The following MCTP2 variants were observed in gnomAD, a reference collection of about 807,000 sequenced individuals.
The protein encoded by MCTP2 is multiple C2 and transmembrane domain containing 2, also known as multiple C2 and transmembrane domain-containing protein 2.
A neutral mutation model predicts 111.6 loss-of-function variants in MCTP2; 132 were observed. The ratio of observed to expected loss-of-function variants is 1.18; its 90% CI spans 1.03 to 1.37. MCTP2 has a LOEUF of 1.37. Among genes scored for constraint, MCTP2 ranks in the 40% most tolerant of loss-of-function variants. MCTP2 has a pLI of 0.00. For synonymous variants in MCTP2, 395 were observed against 387.7 expected, an observed-to-expected ratio of 1.02 and a Z score of -0.22; for missense variants, 1,183 against 1,067.9, an observed-to-expected ratio of 1.11 and a Z score of -1.50.
chr15:94,283,988 CAAT>C (rs1489383361), intron 1 of MCTP2, among the ~76,000 whole-genome samples: 2 of 152,094 alleles, frequency 1.3e-5, no homozygotes, highest in Non-Finnish European at 2.9e-5. Flanking sequence ...ATATAGCTTG[CAAT>C]TATAGGTGCA....
At chr15:94,467,447 T>TC (rs1347281183) in intron 20 of MCTP2, among the ~76,000 whole-genome samples, 36 of 98,852 alleles carry the variant, frequency 3.6e-4, no homozygotes, top group Non-Finnish European at 1.1e-4. Context: ...ACCAATGGAA[T>TC]ATAAAGTCTT....
At chr15:94,458,389 G>GA (rs2152526497) in intron 20 of MCTP2, 143 bp downstream of exon 20, 1 of 608,858 alleles carries the variant, frequency 1.6e-6, no homozygotes, top group East Asian at 2.8e-5. Context: ...AGCACTGTCT[G>GA]ACTTCAGTTG....
intron 10 of MCTP2, among the ~76,000 whole-genome samples, chr15:94,360,185 A>G (rs553098291): frequency 7.9e-4 from 121 of 152,330 alleles, no homozygotes; most frequent in African/African-American, 2.9e-3. Flanking sequence ...ACTTTGCACC[A>G]TCTGCACATC....
chr15:94,415,167 C>T (rs2082317011), intron 17 of MCTP2, among the ~76,000 whole-genome samples: 1 of 152,056 alleles, frequency 6.6e-6, no homozygotes, highest in Non-Finnish European at 1.5e-5. Context: ...TGTTAATGCA[C>T]TCTGCAAAGA....
intron 1 of MCTP2, among the ~76,000 whole-genome samples, chr15:94,272,334 G>A (rs535462763): frequency 5.4e-4 from 82 of 152,156 alleles, no homozygotes; most frequent in African/African-American, 1.7e-3. Context: ...GAGATGAGGG[G>A]TAGCAGTCCA....
At chr15:94,350,926 T>G (rs1196596331) in intron 8 of MCTP2, among the ~76,000 whole-genome samples, 1 of 152,170 alleles carries the variant, frequency 6.6e-6, no homozygotes, top group Non-Finnish European at 1.5e-5. Flanking sequence ...AGCATTTCGC[T>G]GGTCCTAAAA....
rs77738959 is a variant in MCTP2, at chr15:94,402,171, C to T, written c.2085+152C>T. ...TACCTGGGAAACCCCTTAAATTACC[C>T]AAATCTTAGTCATATATGGTCTCTT... On this transcript the variant is annotated intron_variant, in intron 17 of 22. Transcript: ENST00000357742. 4.5e-6 allele frequency: 6 copies of T among 1,322,408 alleles called. No homozygotes were observed. The East Asian group carries it at 1.5e-4, about 33-fold the overall frequency. 81.9% of individuals were successfully genotyped at this position (1,322,408 alleles called of 1,614,324 possible).
In MCTP2 at chr15:94,415,553, G is replaced by A. The variant is rs560374137; in HGVS notation, c.2085+13534G>A. On this transcript the variant is annotated intron_variant, in intron 17 of 22. Transcript: ENST00000357742. ...TCCTTTCGCAGTGCCATAACACCCCGTGCAGCATTCTCCTTTTAGGTTATT... is the reference window on the plus strand; with the variant it reads ...TCCTTTCGCAGTGCCATAACACCCCATGCAGCATTCTCCTTTTAGGTTATT... 5.9e-5 allele frequency among the ~76,000 whole-genome samples: 9 copies of A among 152,122 alleles called. No individual in the cohort carries two copies. In the South Asian group the frequency reaches 6.2e-4, roughly 11 times the overall value.
chr15:94,248,749 G>A (rs2152262547), intron 1 of MCTP2, among the ~76,000 whole-genome samples: 1 of 152,274 alleles, frequency 6.6e-6, no homozygotes, highest in Admixed American at 6.5e-5. Context: ...TGAACAATGA[G>A]CCAAAACAGA....
intron 8 of MCTP2, among the ~76,000 whole-genome samples, chr15:94,351,106 T>C (rs953255313): frequency 1.5e-4 from 23 of 152,240 alleles, no homozygotes; most frequent in Non-Finnish European, 1.8e-4. Context: ...AGATTATTCA[T>C]ATCTCTGGAA....
chr15:94,427,775 C>T (rs887226699), intron 17 of MCTP2, among the ~76,000 whole-genome samples: 1 of 152,126 alleles, frequency 6.6e-6, no homozygotes, highest in Non-Finnish European at 1.5e-5. Flanking sequence ...GATCCTGTCT[C>T]CTCAGGTCCT....
At chr15:94,434,175 C>T (rs949941092) in intron 17 of MCTP2, among the ~76,000 whole-genome samples, 7 of 151,704 alleles carry the variant, frequency 4.6e-5, no homozygotes, top group African/African-American at 1.7e-4. Flanking sequence ...AGTCATGGGT[C>T]ACTGCATCCT....
At chr15:94,269,741 C>T (rs2073805917) in intron 1 of MCTP2, among the ~76,000 whole-genome samples, 1 of 152,112 alleles carries the variant, frequency 6.6e-6, no homozygotes, top group Admixed American at 6.5e-5. Context: ...CTATTATATT[C>T]CCGAGTTCAC....
intron 17 of MCTP2, among the ~76,000 whole-genome samples, chr15:94,412,908 G>GA (rs982301852): frequency 1.3e-5 from 2 of 151,672 alleles, no homozygotes; most frequent in Middle Eastern, 3.4e-3. Context: ...GTTTAGCTGT[G>GA]AAAAAAAATT....
At chr15:94,421,957 A>C (rs994012465) in intron 17 of MCTP2, among the ~76,000 whole-genome samples, 1 of 152,170 alleles carries the variant, frequency 6.6e-6, no homozygotes, top group African/African-American at 2.4e-5. Flanking sequence ...TTCTAAAGCA[A>C]GCTCTGGTTT....
At position 94,352,390 on chromosome 15, in the gene MCTP2, G is replaced by A. The variant is rs571018655; in HGVS notation, c.1006-3747G>A. 1.4e-3 allele frequency among the ~76,000 whole-genome samples: 219 copies of A among 152,298 alleles called. 1 individual carries two copies. The highest frequency in any genetic ancestry group is 2.0e-3 in the Non-Finnish European group (137 of 67,992). ...GCCTTAAGTGGAAGTCACCTTTTCT[G>A]TTTTAGAAAAATGGGTGGGGATTTG... On this transcript the variant is annotated intron_variant, in intron 8 of 22. Coordinates refer to ENST00000357742, the MANE Select transcript of MCTP2 (RefSeq NM_001385001.1).
chr15:94,380,849 T>G (rs1342272607), intron 12 of MCTP2, among the ~76,000 whole-genome samples: 3 of 151,774 alleles, frequency 2.0e-5, no homozygotes, highest in Admixed American at 1.3e-4. Context: ...CTTCTATAAT[T>G]GATACAAAGG....
At chr15:94,252,560 A>T (rs1482114426) in intron 1 of MCTP2, among the ~76,000 whole-genome samples, 1 of 152,036 alleles carries the variant, frequency 6.6e-6, no homozygotes, top group Admixed American at 6.6e-5. Flanking sequence ...GTAAGTGCTG[A>T]TCCCCTCATG....
chr15:94,403,474 A>C (rs942761741), intron 17 of MCTP2, among the ~76,000 whole-genome samples: 1 of 152,214 alleles, frequency 6.6e-6, no homozygotes, highest in Non-Finnish European at 1.5e-5. Flanking sequence ...CAGCACCCAG[A>C]CAGCCACTGT....
Sources: allele counts gnomAD v4.1 joint callset (sites outside exome capture counted in the v4.1 genomes callset), GRCh38; gene constraint gnomAD v4.1.1; transcripts MANE v1.5; gene names NCBI Gene and HGNC (gene_info 2026-07-23, HGNC 2026-07-21).